Variants in TDRD6 observed in about 807,000 individuals in gnomAD.
TDRD6 encodes the protein tudor domain-containing protein 6.
TDRD6 carries 186 observed loss-of-function variants against 157.5 expected under a neutral mutation model. The observed-to-expected ratio is 1.18, with a 90% CI of 1.05 to 1.33. TDRD6 has a LOEUF of 1.33. Ranked by LOEUF, TDRD6 falls within the 40% of genes most tolerant of loss-of-function variation. TDRD6 has a pLI of 0.00. For missense variants in TDRD6, 3,066 were observed against 2,508.0 expected (o/e 1.22, Z -4.75); for synonymous variants, 1,075 against 945.2 (o/e 1.14, Z -2.52).
In TDRD6 at chr6:46,689,304, G is replaced by C. The variant is rs149567778; in HGVS notation, c.1176G>C (p.Gln392His). 6.3e-5 allele frequency: 102 copies of C among 1,614,060 alleles called. No homozygotes were observed. The highest frequency in any genetic ancestry group is 8.1e-5 in the Non-Finnish European group (96 of 1,180,028). The change falls in exon 1 of 4, where the codon CAG (glutamine) becomes CAC (histidine). Residue 392 changes from glutamine (Q) to histidine (H), a missense_variant. Physicochemically the swap from Gln to His is conservative, Grantham distance 24. Coordinates refer to ENST00000316081, the MANE Select transcript of TDRD6 (RefSeq NM_001010870.3). ...WDGGRGWSRS[Q>H]VGDLKTLILG... Reference sequence around the variant, plus strand: ...GTGGGAGAGGCTGGTCTCGGTCACAGGTCGGTGACCTGAAGACACTGATAC... The same window carrying C: ...GTGGGAGAGGCTGGTCTCGGTCACACGTCGGTGACCTGAAGACACTGATAC...
Position 46,688,826 on chromosome 6 carries a change from A to G in TDRD6, c.698A>G (p.Lys233Arg). The change falls in exon 1 of 4, where the codon AAG becomes AGG. Residue 233 changes from lysine to arginine, a missense_variant. By Grantham distance (26) the Lys-to-Arg change is conservative. Coordinates refer to ENST00000316081, the MANE Select transcript of TDRD6 (RefSeq NM_001010870.3). ...CCGGTTCTCTCGCGAGTCCCGCTCA[A>G]GCAAAAGCAGCCTGGTCTGGATTAC... ...GVPVLSRVPLKQKQPGLDYFY... is the reference protein window; with the variant it reads ...GVPVLSRVPLRQKQPGLDYFY... 6.2e-7 allele frequency: 1 copy of G among 1,612,794 alleles called. No individual in the cohort carries two copies. The highest frequency in any genetic ancestry group is 8.5e-7 in the Non-Finnish European group (1 of 1,179,792).
Position 46,690,427 on chromosome 6 carries a change from G to A in TDRD6, c.2299G>A (p.Glu767Lys). ...TAAGCCAGGCTCCTCTAGTAAAGGA[G>A]AGCTGGAAGTTGGAAGTACAGTAGA... ...EIKPGSSSKG[E>K]LEVGSTVEVR... The change falls in exon 1 of 4, where the codon GAG (glutamate) becomes AAG (lysine). Residue 767 changes from glutamate to lysine, a missense_variant. By Grantham distance (56) the Glu-to-Lys change is moderately conservative. Coordinates refer to ENST00000316081, the MANE Select transcript of TDRD6 (RefSeq NM_001010870.3). 2 of 1,614,074 alleles carry A rather than the reference G, an allele frequency of 1.2e-6. No individual in the cohort carries two copies. Among genetic ancestry groups the A allele is most frequent in the Non-Finnish European group, 1.7e-6 (2 of 1,180,022 alleles).
In TDRD6 at chr6:46,697,974, A is replaced by T. The variant is rs775735665; in HGVS notation, c.6172-24A>T. On this transcript the variant is annotated intron_variant, in intron 2 of 3. Coordinates refer to ENST00000316081, the MANE Select transcript of TDRD6 (RefSeq NM_001010870.3). ...GTTATTTTTTTGAATTGGACACTTT[A>T]AAAAAATTTGTTTTCTCCTGTAGGT... 3 of 1,497,488 alleles carry T rather than the reference A, an allele frequency of 2.0e-6. 1 individual carries two copies. The South Asian group carries it at 4.0e-5, about 20-fold the overall frequency. The allele number at this position is 1,497,488 out of a possible 1,614,324, so 92.8% of individuals were successfully genotyped here. A position where few individuals can be genotyped will look rare whatever the true frequency, so the allele number is the denominator to read the frequency against.
rs1764475494 is a variant in TDRD6 at position 46,695,836 on chromosome 6, C to T, written c.6062C>T (p.Thr2021Ile). 6.2e-7 allele frequency: 1 copy of T among 1,613,292 alleles called. No individual in the cohort carries two copies. Among genetic ancestry groups the T allele is most frequent in the African/African-American group, 1.3e-5 (1 of 74,850 alleles). Residue 2021 changes from threonine to isoleucine, a missense_variant, in exon 2 of 4, where the codon ACC becomes ATC. Thr to Ile is a moderately conservative substitution (Grantham distance 89). Transcript: ENST00000316081. ...AATTTGGCAGCTCAACTACAGAACA[C>T]CTACACTCTGAAAGCCTTTACTGTT... ...PDHISAQLQN[T>I]YTLKAFTVGS...
At chr6:46,698,900 C>T (rs1305529295) in intron 3 of TDRD6, among the ~76,000 whole-genome samples, 1 of 152,140 alleles carries the variant, frequency 6.6e-6, no homozygotes, top group African/African-American at 2.4e-5. Flanking sequence ...TCTCTTTCTC[C>T]TTCTGTGGTT....
rs1265989080 is a variant in TDRD6, at chr6:46,689,274, G to T, written c.1146G>T (p.Trp382Cys). 4 of 1,614,044 alleles carry T rather than the reference G, an allele frequency of 2.5e-6. No homozygotes were observed. The highest frequency in any genetic ancestry group is 3.4e-6 in the Non-Finnish European group (4 of 1,180,044). Residue 382 changes from tryptophan (W) to cysteine (C), a missense_variant, in exon 1 of 4, where the codon TGG becomes TGT. Transcript: ENST00000316081. ...ACCCTTGTGCTTTGTATGGACTCTGGGACGGTGGGAGAGGCTGGTCTCGGT... is the reference window on the plus strand; with the variant it reads ...ACCCTTGTGCTTTGTATGGACTCTGTGACGGTGGGAGAGGCTGGTCTCGGT... ...VTYPCALYGL[W>C]DGGRGWSRSQ... is the part of the protein sequence containing the mutation.
Position 46,688,313 on chromosome 6 carries a change from T to A in TDRD6, c.185T>A (p.Leu62Gln). 4 of 1,515,826 alleles carry A rather than the reference T, an allele frequency of 2.6e-6. No individual in the cohort carries two copies. Among genetic ancestry groups the A allele is most frequent in the Non-Finnish European group, 3.5e-6 (4 of 1,137,950 alleles). The allele number at this position is 1,515,826 out of a possible 1,614,324, so 93.9% of individuals were successfully genotyped here. Reference sequence around the variant, plus strand: ...GCGGCCACGCGCGGCCAGTGGGCGCTGGGCAGCGCCTCGGCCTCGCCCGGC... The same window carrying A: ...GCGGCCACGCGCGGCCAGTGGGCGCAGGGCAGCGCCTCGGCCTCGCCCGGC... ...EAAATRGQWA[L>Q]GSASASPGEL... The change falls in exon 1 of 4, where the codon CTG becomes CAG. Residue 62 changes from leucine to glutamine, a missense_variant. Transcript: ENST00000316081.
chr6:46,691,334 ATATT>A lies in TDRD6; in HGVS notation c.3210_3213del (p.Ile1070MetfsTer2). ...AAAGTCTTCTTTGTTGATTTTGGGA[ATATT>A]TATGTAGTAACAAGTGATGATCTGC... On this transcript the variant is annotated frameshift_variant, in exon 1 of 4. Coordinates refer to ENST00000316081, the MANE Select transcript of TDRD6 (RefSeq NM_001010870.3). LOFTEE classifies it high-confidence loss of function. 8 of 1,614,046 alleles carry A rather than the reference ATATT, an allele frequency of 5.0e-6. No individual in the cohort carries two copies. Among genetic ancestry groups the A allele is most frequent in the Non-Finnish European group, 6.8e-6 (8 of 1,179,936 alleles).
Position 46,691,310 on chromosome 6 carries a change from A to G in TDRD6, c.3182A>G (p.Lys1061Arg). ...RGIVIEKEPK[K>R]VFFVDFGNIY... ...ATAGTAATAGAGAAAGAGCCAAAGA[A>G]AGTCTTCTTTGTTGATTTTGGGAAT... is the stretch of plus-strand genomic sequence containing the variant. The change falls in exon 1 of 4, where the codon AAA (lysine) becomes AGA (arginine). Residue 1061 changes from lysine (K) to arginine (R), a missense_variant. Transcript: ENST00000316081. 1.2e-6 allele frequency: 2 copies of G among 1,614,076 alleles called. No homozygotes were observed. The highest frequency in any genetic ancestry group is 1.1e-5 in the South Asian group (1 of 91,076).
In TDRD6 at chr6:46,688,252, G is replaced by A. The variant is rs1399086492; in HGVS notation, c.124G>A (p.Glu42Lys). Reference sequence around the variant, plus strand: ...GGGGCTGGTGGGCGAGCGGCGGGGCGAGTACCTGCGGCTGAGCCGGGAAAT... The same window carrying A: ...GGGGCTGGTGGGCGAGCGGCGGGGCAAGTACCTGCGGCTGAGCCGGGAAAT... ...LWGLVGERRG[E>K]YLRLSREIQE... Residue 42 changes from glutamate to lysine, a missense_variant, in exon 1 of 4, where the codon GAG becomes AAG. By Grantham distance (56) the Glu-to-Lys change is moderately conservative. Transcript: ENST00000316081. The A allele has an allele frequency of 2.0e-6, 3 of 1,516,384 alleles. No individual in the cohort carries two copies. Among genetic ancestry groups the A allele is most frequent in the Non-Finnish European group, 2.6e-6 (3 of 1,139,296 alleles). 93.9% of individuals were successfully genotyped at this position (1,516,384 alleles called of 1,614,324 possible).
rs779720163 is a variant in TDRD6, at chr6:46,692,774, T to A, written c.4646T>A (p.Val1549Glu). 29 of 1,614,018 alleles carry A rather than the reference T, an allele frequency of 1.8e-5. No homozygotes were observed. In the Admixed American group the frequency reaches 2.3e-4, roughly 13 times the overall value. Residue 1549 changes from valine (V) to glutamate (E), a missense_variant, in exon 1 of 4, where the codon GTA becomes GAA. Transcript: ENST00000316081. ...ADTEKLQCLEVEVQTAGEQVA... is the reference protein window; with the variant it reads ...ADTEKLQCLEEEVQTAGEQVA... ...ACGGAGAAACTTCAGTGTTTAGAAG[T>A]AGAAGTACAGACTGCTGGAGAACAG...
Position 46,692,148 on chromosome 6 carries a change from T to C in TDRD6, c.4020T>C (p.Ser1340=). Residue 1340 remains serine, a synonymous_variant, in exon 1 of 4, where the codon AGT becomes AGC. Coordinates refer to ENST00000316081, the MANE Select transcript of TDRD6 (RefSeq NM_001010870.3). ...EISHLSERLN[S]VKTRPEYYVG... ...GTCATCTTTCAGAGAGATTAAACAG[T>C]GTTAAAACAAGGCCCGAATATTATG... is the stretch of plus-strand genomic sequence containing the variant. 1 of 1,614,138 alleles carries C rather than the reference T, an allele frequency of 6.2e-7. No individual in the cohort carries two copies. Among genetic ancestry groups the C allele is most frequent in the Non-Finnish European group, 8.5e-7 (1 of 1,179,992 alleles).
At position 46,691,058 on chromosome 6, in the gene TDRD6, A is replaced by C. The variant is rs374764273; in HGVS notation, c.2930A>C (p.Tyr977Ser). The change falls in exon 1 of 4, where the codon TAT becomes TCT. Residue 977 changes from tyrosine to serine, a missense_variant. Tyr to Ser is a moderately radical substitution (Grantham distance 144). Coordinates refer to ENST00000316081, the MANE Select transcript of TDRD6 (RefSeq NM_001010870.3). ...ESSVQLHSYF[Y>S]STHDMKIGSE... is the part of the protein sequence containing the mutation. Reference sequence around the variant, plus strand: ...TCTGTTCAGCTACATTCCTACTTCTATTCTACACATGATATGAAAATTGGA... The same window carrying C: ...TCTGTTCAGCTACATTCCTACTTCTCTTCTACACATGATATGAAAATTGGA... The C allele has an allele frequency of 1.9e-6, 3 of 1,613,750 alleles. No individual in the cohort carries two copies. The highest frequency in any genetic ancestry group is 2.5e-6 in the Non-Finnish European group (3 of 1,179,894).
chr6:46,691,292 T>C lies in TDRD6; in HGVS notation c.3164T>C (p.Ile1055Thr). ...TDGNWYRGIVIEKEPKKVFFV... is the reference protein window; with the variant it reads ...TDGNWYRGIVTEKEPKKVFFV... ...GGAAACTGGTATAGGGGCATAGTAATAGAGAAAGAGCCAAAGAAAGTCTTC... is the reference window on the plus strand; with the variant it reads ...GGAAACTGGTATAGGGGCATAGTAACAGAGAAAGAGCCAAAGAAAGTCTTC... Residue 1055 changes from isoleucine (I) to threonine (T), a missense_variant, in exon 1 of 4, where the codon ATA (isoleucine) becomes ACA (threonine). Ile to Thr is a moderately conservative substitution (Grantham distance 89, BLOSUM62 -1). Transcript: ENST00000316081. The C allele has an allele frequency of 1.2e-6, 2 of 1,613,910 alleles. No homozygotes were observed. Among genetic ancestry groups the C allele is most frequent in the Non-Finnish European group, 8.5e-7 (1 of 1,179,960 alleles).
In TDRD6 at chr6:46,690,379, C is replaced by G. The variant is rs759995668; in HGVS notation, c.2251C>G (p.Leu751Val). The change falls in exon 1 of 4, where the codon CTT becomes GTT. Residue 751 changes from leucine (L) to valine (V), a missense_variant. Leu to Val is a conservative substitution (Grantham distance 32, BLOSUM62 1). Coordinates refer to ENST00000316081, the MANE Select transcript of TDRD6 (RefSeq NM_001010870.3). ...GAAAAGAGCATCTGTTTATTTTCCTCTTATGCAGAATTGCTTGGAAATTAA... is the reference window on the plus strand; with the variant it reads ...GAAAAGAGCATCTGTTTATTTTCCTGTTATGCAGAATTGCTTGGAAATTAA... ...KVKRASVYFP[L>V]MQNCLEIKPG... 12 of 1,613,670 alleles carry G rather than the reference C, an allele frequency of 7.4e-6. No individual in the cohort carries two copies. Among genetic ancestry groups the G allele is most frequent in the Admixed American group, 1.7e-5 (1 of 60,008 alleles).
chr6:46,695,017 TA>T (rs1301439601), intron 1 of TDRD6, among the ~76,000 whole-genome samples: 1 of 152,206 alleles, frequency 6.6e-6, no homozygotes, highest in Non-Finnish European at 1.5e-5. Context: ...AACTTTTTTA[TA>T]AATTATTTTT....
rs766213214 is a variant in TDRD6 at position 46,690,407 on chromosome 6, C to T, written c.2279C>T (p.Pro760Leu). The change falls in exon 1 of 4, where the codon CCA (proline) becomes CTA (leucine). Residue 760 changes from proline (P) to leucine (L), a missense_variant. Transcript: ENST00000316081. ...ATGCAGAATTGCTTGGAAATTAAGC[C>T]AGGCTCCTCTAGTAAAGGAGAGCTG... ...PLMQNCLEIK[P>L]GSSSKGELEV... is the part of the protein sequence containing the mutation. 2 of 1,613,952 alleles carry T rather than the reference C, an allele frequency of 1.2e-6. No homozygotes were observed. The highest frequency in any genetic ancestry group is 1.7e-5 in the Admixed American group (1 of 60,018).
chr6:46,690,087 A>G lies in TDRD6; in HGVS notation c.1959A>G (p.Glu653=), dbSNP rs750883515. 9 of 1,614,052 alleles carry G rather than the reference A, an allele frequency of 5.6e-6. No individual in the cohort carries two copies. Among genetic ancestry groups the G allele is most frequent in the Admixed American group, 3.3e-5 (2 of 60,010 alleles). ...TTCTTGACGAATCAAGAACAGGGGA[A>G]GAAAACATTAGTAAGGTAATTGCCC... The part of the protein sequence containing the change: ...IEILDESRTG[E]ENISKVIAQA... The change falls in exon 1 of 4, where the codon GAA becomes GAG. Residue 653 remains glutamate (E), a synonymous_variant. Transcript: ENST00000316081.
In TDRD6 at chr6:46,688,743, C is replaced by T. The variant is rs769857314; in HGVS notation, c.615C>T (p.Phe205=). 1 of 1,601,396 alleles carries T rather than the reference C, an allele frequency of 6.2e-7. No individual in the cohort carries two copies. ...CTCGGCGGGTGCCCGACAGCCTCTT[C>T]CGTTCGCTGCTGGAGCGCTATCTCA... ...GLARRVPDSL[F]RSLLERYLTA... The change falls in exon 1 of 4, where the codon TTC becomes TTT. Residue 205 remains phenylalanine (F), a synonymous_variant. Transcript: ENST00000316081.
Sources: allele counts gnomAD v4.1 joint callset (sites outside exome capture counted in the v4.1 genomes callset), GRCh38; gene constraint gnomAD v4.1.1; transcripts MANE v1.5; gene names NCBI Gene and HGNC (gene_info 2026-07-23, HGNC 2026-07-21).